The following GFRA1 variants were observed in gnomAD, a reference collection of about 807,000 sequenced individuals.
The protein encoded by GFRA1 is GDNF family receptor alpha 1.
GFRA1 carries 16 observed loss-of-function variants against 51.6 expected under a neutral mutation model. The observed-to-expected ratio is 0.31, with a 90% confidence interval of 0.21 to 0.47. GFRA1 has a LOEUF of 0.47. Ranked by LOEUF, GFRA1 falls within the 20% of genes least tolerant of loss-of-function variation. GFRA1 has a pLI of 1.00. For missense variants in GFRA1, 530 were observed against 594.3 expected, an observed-to-expected ratio of 0.89 and a Z score of 1.13; for synonymous variants, 270 against 241.3, an observed-to-expected ratio of 1.12 and a Z score of -1.10.
At chr10:116,244,264 AATAGAAACT>A (rs142798559) in intron 4 of GFRA1, among the ~76,000 whole-genome samples, 39,698 of 148,626 alleles carry the variant, frequency 0.27, 5,497 homozygotes, top group East Asian at 0.34. Flanking sequence ...GAGATAAAGG[AATAGAAACT>A]ATAGAAACTT....
chr10:116,200,648 C>T (rs1430465361), intron 5 of GFRA1, among the ~76,000 whole-genome samples: 3 of 152,130 alleles, frequency 2.0e-5, no homozygotes, highest in African/African-American at 4.8e-5. Context: ...GACTCTCTTC[C>T]TGGCTTGCAG....
At chr10:116,222,950 A>T (rs1678908676) in intron 4 of GFRA1, among the ~76,000 whole-genome samples, 1 of 152,264 alleles carries the variant, frequency 6.6e-6, no homozygotes, top group Non-Finnish European at 1.5e-5. Context: ...TTTACACTGT[A>T]TCATGTATTA....
chr10:116,259,258 C>G (rs1969121811), intron 4 of GFRA1, among the ~76,000 whole-genome samples: 1 of 151,740 alleles, frequency 6.6e-6, no homozygotes, highest in Non-Finnish European at 1.5e-5. Context: ...AAAGTGGCAC[C>G]AGCATGGTGG....
intron 5 of GFRA1, among the ~76,000 whole-genome samples, chr10:116,202,483 C>A (rs1964414695): frequency 6.6e-6 from 1 of 152,078 alleles, no homozygotes; most frequent in Non-Finnish European, 1.5e-5. Flanking sequence ...GAGACAAGCA[C>A]CTTGTATTGG....
chr10:116,119,736 A>AG (rs1469464028), intron 6 of GFRA1, among the ~76,000 whole-genome samples: 1 of 152,120 alleles, frequency 6.6e-6, no homozygotes, highest in African/African-American at 2.4e-5. Flanking sequence ...TATTGTGTGA[A>AG]GGGGGTCTCA....
intron 4 of GFRA1, among the ~76,000 whole-genome samples, chr10:116,237,097 T>C (rs1377406744): frequency 6.6e-6 from 1 of 152,242 alleles, no homozygotes; most frequent in African/African-American, 2.4e-5. Flanking sequence ...TGCCTTCACA[T>C]ACAATTACTA....
chr10:116,086,956 T>A (rs1956126345), intron 9 of GFRA1, among the ~76,000 whole-genome samples: 1 of 152,196 alleles, frequency 6.6e-6, no homozygotes, highest in African/African-American at 2.4e-5. Context: ...TAGCTGGGAT[T>A]ACAGGCGTGC....
chr10:116,128,725 CAAAAAAAAAAA>C (rs67642059), intron 5 of GFRA1, among the ~76,000 whole-genome samples: 3 of 87,830 alleles, frequency 3.4e-5, no homozygotes, highest in Admixed American at 2.7e-4. Context: ...GACTCTGTCT[CAAAAAAAAAAA>C]AAAAAAAAAA....
intron 6 of GFRA1, among the ~76,000 whole-genome samples, chr10:116,109,643 T>G (rs915734359): frequency 6.6e-6 from 1 of 152,014 alleles, no homozygotes; most frequent in Admixed American, 6.6e-5. Flanking sequence ...CACTGAGAAG[T>G]AGGGCTCCCC....
chr10:116,105,926 G>C (rs777981892), intron 6 of GFRA1, among the ~76,000 whole-genome samples: 1 of 152,186 alleles, frequency 6.6e-6, no homozygotes, highest in Non-Finnish European at 1.5e-5. Flanking sequence ...TGGCAAAATG[G>C]ACTTTGCAGA....
chr10:116,223,238 A>G (rs998575980), intron 4 of GFRA1, among the ~76,000 whole-genome samples: 3 of 152,220 alleles, frequency 2.0e-5, no homozygotes, highest in African/African-American at 7.2e-5. Context: ...CTAGCAATAG[A>G]ACATTCATAT....
intron 5 of GFRA1, among the ~76,000 whole-genome samples, chr10:116,126,561 T>C (rs1051550030): frequency 2.6e-5 from 4 of 152,322 alleles, no homozygotes; most frequent in African/African-American, 9.6e-5. Context: ...AGGGAAGTGA[T>C]GGAAAAAACC....
intron 4 of GFRA1, among the ~76,000 whole-genome samples, chr10:116,220,295 C>T (rs373074102): frequency 1.1e-4 from 16 of 152,224 alleles, no homozygotes; most frequent in African/African-American, 3.9e-4. Context: ...CCCAACGCAC[C>T]CACCCAACAT....
intron 9 of GFRA1, 50 bp downstream of exon 9, chr10:116,089,689 ACC>A: frequency 6.8e-7 from 1 of 1,476,580 alleles, no homozygotes; most frequent in Non-Finnish European, 9.5e-7. Flanking sequence ...CCCGTGTTTC[ACC>A]CCCCCACCAG....
chr10:116,084,320 G>A (rs186315265), intron 9 of GFRA1, among the ~76,000 whole-genome samples: 1 of 152,210 alleles, frequency 6.6e-6, no homozygotes, highest in African/African-American at 2.4e-5. Flanking sequence ...CTTCTAGAAT[G>A]CTGTTTTAAA....
Position 116,255,819 on chromosome 10 carries a change from G to A in GFRA1, c.418+13684C>T, listed in dbSNP as rs976326609. 25 of 1,134,082 alleles carry A rather than the reference G, an allele frequency of 2.2e-5. No individual in the cohort carries two copies. In the Middle Eastern group the frequency reaches 7.2e-4, roughly 33 times the overall value. The allele number at this position is 1,134,082 out of a possible 1,614,324, so 70.3% of individuals were successfully genotyped here. ...ACATTCCCTGGCACACAGTCAGTTC[G>A]CAAAAAACCTGAGTTACTGCTTAAG... On this transcript the variant is annotated intron_variant, in intron 4 of 10. Transcript: ENST00000355422.
At chr10:116,216,810 A>G (rs1284553102) in intron 4 of GFRA1, among the ~76,000 whole-genome samples, 1 of 152,178 alleles carries the variant, frequency 6.6e-6, no homozygotes, top group Non-Finnish European at 1.5e-5. Flanking sequence ...TGCGAATTTT[A>G]CTGGGACCTA....
chr10:116,138,909 C>G (rs1958447077), intron 5 of GFRA1, among the ~76,000 whole-genome samples: 1 of 152,188 alleles, frequency 6.6e-6, no homozygotes. Context: ...CACCAGTTAG[C>G]TGAAGAATGA....
intron 5 of GFRA1, among the ~76,000 whole-genome samples, chr10:116,141,417 G>A (rs943762060): frequency 6.6e-6 from 1 of 152,286 alleles, no homozygotes; most frequent in East Asian, 1.9e-4. Flanking sequence ...TCTTAGTTGC[G>A]AGCTTTGTTT....
Sources: gnomAD v4.1 joint callset for allele counts (sites outside exome capture counted in the v4.1 genomes callset) on GRCh38, gnomAD v4.1.1 for gene constraint, MANE v1.5 for transcripts, NCBI Gene and HGNC (gene_info 2026-07-23, HGNC 2026-07-21) for gene names.